Variants in THSD4 observed in about 807,000 individuals in gnomAD.
THSD4 encodes the protein thrombospondin type-1 domain-containing protein 4.
THSD4 carries 69 observed loss-of-function variants against 119.0 expected under a neutral mutation model. The ratio of observed to expected loss-of-function variants is 0.58; its 90% CI spans 0.48 to 0.71. THSD4 has a LOEUF of 0.71. THSD4 is among the 30% of genes least tolerant of loss of function. THSD4 has a pLI of 0.00. For synonymous variants in THSD4, 524 were observed against 540.4 expected (o/e 0.97, Z 0.42); for missense variants, 1,393 against 1,391.1 (o/e 1.00, Z -0.02).
intron 7 of THSD4, among the ~76,000 whole-genome samples, chr15:71,609,880 A>C (rs925286982): frequency 6.6e-6 from 1 of 151,878 alleles, no homozygotes; most frequent in Non-Finnish European, 1.5e-5. Flanking sequence ...AAAAAAGAAA[A>C]AGAAACAACA....
At chr15:71,621,852 A>G (rs963804464) in intron 7 of THSD4, among the ~76,000 whole-genome samples, 2 of 152,198 alleles carry the variant, frequency 1.3e-5, no homozygotes, top group Admixed American at 6.5e-5. Context: ...ATTGCTAATG[A>G]TTTGTTGTTG....
chr15:71,661,498 T>C (rs2051307348), intron 8 of THSD4, among the ~76,000 whole-genome samples: 1 of 151,794 alleles, frequency 6.6e-6, no homozygotes, highest in South Asian at 2.1e-4. Flanking sequence ...CAGGTTCAAA[T>C]GATTCTCCTG....
intron 7 of THSD4, among the ~76,000 whole-genome samples, chr15:71,553,584 C>G (rs1020133850): frequency 3.9e-5 from 6 of 152,118 alleles, no homozygotes; most frequent in African/African-American, 1.2e-4. Flanking sequence ...GCCTTGAACT[C>G]TCAAAATGCT....
intron 3 of THSD4, chr15:71,187,500 G>A (rs2043620811): frequency 6.6e-6 from 1 of 152,592 alleles, no homozygotes; most frequent in South Asian, 2.1e-4. Flanking sequence ...GGAACTTGGT[G>A]GCCAAATGCT....
At chr15:71,475,354 A>G (rs925121755) in intron 7 of THSD4, among the ~76,000 whole-genome samples, 1 of 152,164 alleles carries the variant, frequency 6.6e-6, no homozygotes, top group Non-Finnish European at 1.5e-5. Flanking sequence ...ATTGTTCCCC[A>G]TTTTGTTGTC....
chr15:71,755,038 A>G (rs2053514425), intron 14 of THSD4, among the ~76,000 whole-genome samples: 1 of 152,226 alleles, frequency 6.6e-6, no homozygotes, highest in African/African-American at 2.4e-5. Flanking sequence ...ATCTCCAGTG[A>G]TAAGAATCTT....
intron 6 of THSD4, among the ~76,000 whole-genome samples, chr15:71,327,523 A>G (rs2045361702): frequency 6.6e-6 from 1 of 152,162 alleles, no homozygotes; most frequent in Non-Finnish European, 1.5e-5. Context: ...TGAAAGTTTC[A>G]TTGCGTTTGT....
intron 7 of THSD4, among the ~76,000 whole-genome samples, chr15:71,481,174 C>T (rs1035578395): frequency 6.6e-6 from 1 of 152,094 alleles, no homozygotes; most frequent in Non-Finnish European, 1.5e-5. Context: ...GAAAAATTCT[C>T]ACATTAAATG....
chr15:71,340,282 T>C (rs962361297), intron 6 of THSD4, among the ~76,000 whole-genome samples: 3 of 152,196 alleles, frequency 2.0e-5, no homozygotes, highest in African/African-American at 4.8e-5. Flanking sequence ...CCCCATTTCA[T>C]AGATGAGGAA....
intron 7 of THSD4, among the ~76,000 whole-genome samples, chr15:71,530,784 C>T (rs1373089023): frequency 1.3e-5 from 2 of 148,938 alleles, no homozygotes; most frequent in African/African-American, 4.9e-5. Context: ...GGGTTGATAC[C>T]TACTGTGTAC....
intron 7 of THSD4, among the ~76,000 whole-genome samples, chr15:71,470,606 A>G (rs1338897190): frequency 1.3e-5 from 2 of 152,224 alleles, no homozygotes; most frequent in Non-Finnish European, 2.9e-5. Context: ...CACAAAGCTA[A>G]TAAATGGCTG....
chr15:71,667,450 CAT>C (rs1240634114), intron 8 of THSD4, among the ~76,000 whole-genome samples: 1 of 152,164 alleles, frequency 6.6e-6, no homozygotes, highest in Non-Finnish European at 1.5e-5. Context: ...TTATACAAGA[CAT>C]GTACCACCTG....
intron 6 of THSD4, among the ~76,000 whole-genome samples, chr15:71,272,737 G>A (rs754037440): frequency 2.0e-5 from 3 of 152,046 alleles, no homozygotes; most frequent in Admixed American, 6.5e-5. Context: ...GGTAGCGCGC[G>A]CCTGTAATCC....
At chr15:71,540,931 C>T (rs1250588530) in intron 7 of THSD4, among the ~76,000 whole-genome samples, 1 of 152,078 alleles carries the variant, frequency 6.6e-6, no homozygotes, top group African/African-American at 2.4e-5. Context: ...CCATGTTGGC[C>T]AGGCTGGTCT....
chr15:71,765,156 T>G lies in THSD4; in HGVS notation c.2726T>G (p.Leu909Arg). 1.2e-6 allele frequency: 2 copies of G among 1,614,222 alleles called. No homozygotes were observed. Among genetic ancestry groups the G allele is most frequent in the Non-Finnish European group, 1.7e-6 (2 of 1,180,038 alleles). Reference protein sequence around the residue: ...EKPPSQQSCHLKPCGAKWFST... With the variant: ...EKPPSQQSCHRKPCGAKWFST... ...CCCCCCAGCCAGCAATCCTGCCACC[T>G]CAAGCCTTGCGGAGCCAAATGGTTT... Residue 909 changes from leucine (L) to arginine (R), a missense_variant, in exon 16 of 18, where the codon CTC (leucine) becomes CGC (arginine). Physicochemically the swap from Leu to Arg is moderately radical, Grantham distance 102. Coordinates refer to ENST00000261862, the MANE Select transcript of THSD4 (RefSeq NM_024817.3).
chr15:71,349,165 C>A (rs1021637162), intron 6 of THSD4, among the ~76,000 whole-genome samples: 1 of 152,134 alleles, frequency 6.6e-6, no homozygotes, highest in Non-Finnish European at 1.5e-5. Context: ...TAGGCAATTT[C>A]TTAACTTCTC....
rs372545182 is a variant in THSD4 at position 71,154,948 on chromosome 15, C to A, written c.99+16C>A. 21 of 1,613,680 alleles carry A rather than the reference C, an allele frequency of 1.3e-5. No homozygotes were observed. Among genetic ancestry groups the A allele is most frequent in the African/African-American group, 9.3e-5 (7 of 75,044 alleles). ...ACACAGGAAGGTAAGCCATGGCCAT[C>A]CAGAGGTTTTCTTCTCTGCCCAAGG... On this transcript the variant is annotated intron_variant, in intron 3 of 17. Coordinates refer to ENST00000261862, the MANE Select transcript of THSD4 (RefSeq NM_024817.3).
At chr15:71,547,261 C>G in intron 7 of THSD4, 1 of 1,420,498 alleles carries the variant, frequency 7.0e-7, no homozygotes, top group South Asian at 1.6e-5. Flanking sequence ...CTCGAAGCGC[C>G]GGGCAGTACA....
chr15:71,739,110 A>C (rs201711250), intron 11 of THSD4, among the ~76,000 whole-genome samples: 8,402 of 151,958 alleles, frequency 0.055, 253 homozygotes, highest in South Asian at 0.13. Flanking sequence ...AAAAAAAAAA[A>C]AAAACAAAAC....
Sources: allele counts gnomAD v4.1 joint callset (sites outside exome capture counted in the v4.1 genomes callset), GRCh38; gene constraint gnomAD v4.1.1; transcripts MANE v1.5; gene names NCBI Gene and HGNC (gene_info 2026-07-23, HGNC 2026-07-21).